LRFN5: variants seen among roughly 807,000 people sequenced by gnomAD.
The protein encoded by LRFN5 is leucine rich repeat and fibronectin type III domain containing 5, also known as leucine-rich repeat and fibronectin type-III domain-containing protein 5.
A neutral mutation model predicts 45.6 loss-of-function variants in LRFN5; 24 were observed. The ratio of observed to expected loss-of-function variants is 0.53; its 90% CI spans 0.38 to 0.74. LRFN5 has a LOEUF of 0.74. Ranked by LOEUF, LRFN5 falls within the 30% of genes least tolerant of loss-of-function variation. The pLI, the probability that LRFN5 is intolerant of heterozygous loss-of-function variation, is 0.00. For missense variants in LRFN5, 776 were observed against 861.5 expected (o/e 0.90, Z 1.24); for synonymous variants, 340 against 313.8 (o/e 1.08, Z -0.88).
intron 1 of LRFN5, among the ~76,000 whole-genome samples, chr14:41,737,596 A>G (rs1340892923): frequency 1.3e-5 from 2 of 152,176 alleles, no homozygotes; most frequent in African/African-American, 4.8e-5. Flanking sequence ...GTATATTTAG[A>G]AAACCCCATC....
At chr14:41,789,687 A>G (rs1194336519) in intron 2 of LRFN5, among the ~76,000 whole-genome samples, 1 of 151,930 alleles carries the variant, frequency 6.6e-6, no homozygotes, top group Non-Finnish European at 1.5e-5. Context: ...TTCACTATAG[A>G]GTCTTCATTT....
rs564479278 is a variant in LRFN5, at chr14:41,732,535, G to A, written c.-196-34319G>A. Among the ~76,000 whole-genome samples, 6 of 152,182 alleles carry A rather than the reference G, an allele frequency of 3.9e-5. No homozygotes were observed. In the South Asian group the frequency reaches 1.2e-3, roughly 32 times the overall value. ...TAAATAAGACATGAAAATACCTTAA[G>A]TTTACATTTCAGGCGAACTCTGCAA... On this transcript the variant is annotated intron_variant, in intron 1 of 5. Transcript: ENST00000298119.
intron 2 of LRFN5, among the ~76,000 whole-genome samples, chr14:41,869,781 A>G (rs191944008): frequency 5.3e-5 from 8 of 152,172 alleles, no homozygotes; most frequent in African/African-American, 1.9e-4. Context: ...CGTGTTCACT[A>G]TCATGAGAAC....
intron 1 of LRFN5, among the ~76,000 whole-genome samples, chr14:41,747,615 G>T (rs1173081424): frequency 6.6e-6 from 1 of 151,930 alleles, no homozygotes; most frequent in African/African-American, 2.4e-5. Context: ...TTTAGTAATG[G>T]TTTATTGAAT....
chr14:41,789,864 C>T (rs1055213270), intron 2 of LRFN5, among the ~76,000 whole-genome samples: 8 of 151,488 alleles, frequency 5.3e-5, no homozygotes, highest in Non-Finnish European at 7.4e-5. Context: ...TGACTGGTTT[C>T]GTAATATTTT....
chr14:41,704,738 G>T (rs1882994837), intron 1 of LRFN5, among the ~76,000 whole-genome samples: 1 of 151,932 alleles, frequency 6.6e-6, no homozygotes, highest in Non-Finnish European at 1.5e-5. Flanking sequence ...GAAAGTGAAG[G>T]ATCATGCCAC....
rs549158927 is a variant in LRFN5 at position 41,794,397 on chromosome 14, A to G, written c.-21+27368A>G. On this transcript the variant is annotated intron_variant, in intron 2 of 5. Coordinates refer to ENST00000298119, the MANE Select transcript of LRFN5 (RefSeq NM_152447.5). Reference sequence around the variant, plus strand: ...ACTGTATTTTAAAAATTAAGTTCAAATATTACCTCCTGTAAGACTTTTCTG... The same window carrying G: ...ACTGTATTTTAAAAATTAAGTTCAAGTATTACCTCCTGTAAGACTTTTCTG... Among the ~76,000 whole-genome samples, 4 of 152,194 alleles carry G rather than the reference A, an allele frequency of 2.6e-5. No homozygotes were observed. In the South Asian group the frequency reaches 6.2e-4, roughly 24 times the overall value.
intron 2 of LRFN5, among the ~76,000 whole-genome samples, chr14:41,814,940 TAGA>T (rs1887865661): frequency 6.6e-6 from 1 of 152,056 alleles, no homozygotes; most frequent in Non-Finnish European, 1.5e-5. Context: ...CATTTTAGAT[TAGA>T]AGAACAGCAT....
At chr14:41,739,751 T>C (rs1884609556) in intron 1 of LRFN5, among the ~76,000 whole-genome samples, 1 of 149,060 alleles carries the variant, frequency 6.7e-6, no homozygotes, top group Non-Finnish European at 1.5e-5. Context: ...AGAAAAACAG[T>C]AGAAAATATA....
At chr14:41,654,853 C>T (rs1880302470) in intron 1 of LRFN5, among the ~76,000 whole-genome samples, 1 of 151,970 alleles carries the variant, frequency 6.6e-6, no homozygotes, top group African/African-American at 2.4e-5. Context: ...TTTTAGGTCA[C>T]AGAATTATTT....
chr14:41,818,701 T>G (rs559596458), intron 2 of LRFN5, among the ~76,000 whole-genome samples: 1 of 152,152 alleles, frequency 6.6e-6, no homozygotes, highest in Non-Finnish European at 1.5e-5. Flanking sequence ...TCTCCAAATA[T>G]TTTTGTCTTT....
intron 1 of LRFN5, among the ~76,000 whole-genome samples, chr14:41,723,396 G>A (rs745899944): frequency 2.0e-5 from 3 of 152,182 alleles, no homozygotes; most frequent in Non-Finnish European, 1.5e-5. Flanking sequence ...TACTGAACCA[G>A]GCAAGCAGGT....
intron 2 of LRFN5, among the ~76,000 whole-genome samples, chr14:41,775,837 T>C (rs1886270753): frequency 6.6e-6 from 1 of 152,232 alleles, no homozygotes; most frequent in Non-Finnish European, 1.5e-5. Context: ...CAAGGTTGTA[T>C]TATGAAGCAT....
At chr14:41,627,705 C>T (rs1183294323) in intron 1 of LRFN5, among the ~76,000 whole-genome samples, 1 of 152,074 alleles carries the variant, frequency 6.6e-6, no homozygotes, top group African/African-American at 2.4e-5. Flanking sequence ...TTTATGTGTC[C>T]ATTTTTCTAT....
intron 1 of LRFN5, among the ~76,000 whole-genome samples, chr14:41,672,528 G>C (rs1200045378): frequency 1.3e-5 from 2 of 151,996 alleles, no homozygotes; most frequent in Non-Finnish European, 2.9e-5. Flanking sequence ...CTAATGTCTG[G>C]GTGCTCAGAT....
At chr14:41,773,487 C>T (rs1241280157) in intron 2 of LRFN5, among the ~76,000 whole-genome samples, 1 of 152,096 alleles carries the variant, frequency 6.6e-6, no homozygotes, top group African/African-American at 2.4e-5. Context: ...CAATTTTGCT[C>T]AACATTAAAA....
chr14:41,879,664 G>A (rs914378014), intron 2 of LRFN5, among the ~76,000 whole-genome samples: 1 of 151,044 alleles, frequency 6.6e-6, no homozygotes, highest in Non-Finnish European at 1.5e-5. Context: ...TTTATGAGAG[G>A]ATTTTGATTT....
intron 2 of LRFN5, among the ~76,000 whole-genome samples, chr14:41,884,456 C>A (rs1890494277): frequency 6.6e-6 from 1 of 152,024 alleles, no homozygotes; most frequent in Non-Finnish European, 1.5e-5. Context: ...CACCTCTTAA[C>A]CTCAGTAGGG....
rs763177490 is a variant in LRFN5, at chr14:41,886,629, G to GA, written c.10dup (p.Ile4AsnfsTer29). 6.4e-7 allele frequency: 1 copy of GA among 1,573,952 alleles called. No homozygotes were observed. Among genetic ancestry groups the GA allele is most frequent in the Admixed American group, 2.0e-5 (1 of 50,328 alleles). The stretch of plus-strand genomic sequence containing the variant: ...AGGCTCTTAAACCTGATCTACAATG[G>GA]AAAAAATTCTTTTTTATCTGTTTCT... On this transcript the variant is annotated frameshift_variant, in exon 3 of 6. Transcript: ENST00000298119. LOFTEE classifies it high-confidence loss of function.
Sources: gnomAD v4.1 joint callset for allele counts (sites outside exome capture counted in the v4.1 genomes callset) on GRCh38, gnomAD v4.1.1 for gene constraint, MANE v1.5 for transcripts, NCBI Gene and HGNC (gene_info 2026-07-23, HGNC 2026-07-21) for gene names.